SLC35F4: variants seen among roughly 807,000 people sequenced by gnomAD.
SLC35F4 encodes solute carrier family 35 member F4, also known as chromosome 14 open reading frame 36.
A neutral mutation model predicts 44.2 loss-of-function variants in SLC35F4; 24 were observed. The observed-to-expected ratio is 0.54, with a 90% CI of 0.39 to 0.76. SLC35F4 has a LOEUF of 0.76. Among genes scored for constraint, SLC35F4 ranks in the 30% least tolerant of loss-of-function variants. The probability of loss-of-function intolerance (pLI) is 0.00; values close to 1 mark genes in which losing one functional copy is unlikely to be tolerated. For synonymous variants in SLC35F4, 238 were observed against 223.6 expected (o/e 1.06, Z -0.57); for missense variants, 562 against 586.1 (o/e 0.96, Z 0.42).
At chr14:57,882,291 C>T (rs1888552332) in intron 1 of SLC35F4, among the ~76,000 whole-genome samples, 1 of 152,178 alleles carries the variant, frequency 6.6e-6, no homozygotes, top group African/African-American at 2.4e-5. Flanking sequence ...GGCAGCCACT[C>T]CAAGATCATT....
intron 1 of SLC35F4, among the ~76,000 whole-genome samples, chr14:57,852,369 A>G (rs928069071): frequency 2.0e-5 from 3 of 152,186 alleles, no homozygotes; most frequent in Admixed American, 1.3e-4. Flanking sequence ...TAAGGTCATG[A>G]AAGTGTGGTG....
chr14:57,928,019 T>C (rs1889616158), intron 1 of SLC35F4, among the ~76,000 whole-genome samples: 1 of 151,938 alleles, frequency 6.6e-6, no homozygotes, highest in Non-Finnish European at 1.5e-5. Flanking sequence ...AGGAAAGTTT[T>C]AGACAATAAC....
At chr14:57,885,316 T>C (rs1022721877) in intron 1 of SLC35F4, among the ~76,000 whole-genome samples, 3 of 152,174 alleles carry the variant, frequency 2.0e-5, no homozygotes, top group African/African-American at 7.2e-5. Flanking sequence ...GGCTCACTCA[T>C]GGAGCTGTTG....
chr14:57,572,523 C>T (rs78158506), intron 4 of SLC35F4, among the ~76,000 whole-genome samples: 8,799 of 152,032 alleles, frequency 0.058, 256 homozygotes, highest in African/African-American at 0.067. Flanking sequence ...AGGCAAACTT[C>T]AGGCCAATGG....
intron 1 of SLC35F4, among the ~76,000 whole-genome samples, chr14:57,709,613 A>C (rs1045949523): frequency 6.6e-6 from 1 of 152,080 alleles, no homozygotes; most frequent in Non-Finnish European, 1.5e-5. Flanking sequence ...GCCGCTCACA[A>C]AACTGGAATA....
chr14:57,638,815 C>A (rs930074684), intron 1 of SLC35F4, among the ~76,000 whole-genome samples: 1 of 152,030 alleles, frequency 6.6e-6, no homozygotes, highest in African/African-American at 2.4e-5. Context: ...AACCACCTCT[C>A]TTCCACTCTA....
Position 57,589,663 on chromosome 14 carries a change from T to C in SLC35F4, c.290-150A>G. On this transcript the variant is annotated intron_variant, in intron 2 of 7. Coordinates refer to ENST00000556826, the MANE Select transcript of SLC35F4 (RefSeq NM_001306087.2). Reference sequence around the variant, plus strand: ...CTTTTCTACCATCATTTGAAGAGACTGATAACTTCGGCTCACTTTTTCTCT... The same window carrying C: ...CTTTTCTACCATCATTTGAAGAGACCGATAACTTCGGCTCACTTTTTCTCT... 2.2e-6 allele frequency: 2 copies of C among 902,674 alleles called. 1 individual carries two copies. The highest frequency in any genetic ancestry group is 3.7e-5 in the South Asian group (2 of 53,922). 55.9% of individuals were successfully genotyped at this position (902,674 alleles called of 1,614,324 possible). A position where few individuals can be genotyped will look rare whatever the true frequency, so the allele number is the denominator to read the frequency against.
intron 1 of SLC35F4, among the ~76,000 whole-genome samples, chr14:57,748,775 G>A (rs1441944902): frequency 6.6e-6 from 1 of 152,088 alleles, no homozygotes; most frequent in Non-Finnish European, 1.5e-5. Flanking sequence ...AGGCTATTTT[G>A]GAATTAGAGG....
At chr14:57,725,498 C>T (rs543318564) in intron 1 of SLC35F4, among the ~76,000 whole-genome samples, 2 of 152,332 alleles carry the variant, frequency 1.3e-5, no homozygotes, top group East Asian at 3.9e-4. Context: ...AATGCTTCTG[C>T]CAAGACTACC....
chr14:57,566,454 C>T, intron 7 of SLC35F4, 21 bp downstream of exon 7: 4 of 1,572,630 alleles, frequency 2.5e-6, no homozygotes, highest in Non-Finnish European at 3.5e-6. Context: ...AGGATCTGCA[C>T]ATGTCACATG....
chr14:57,605,938 C>T (rs769491542), intron 1 of SLC35F4, among the ~76,000 whole-genome samples: 32 of 151,932 alleles, frequency 2.1e-4, no homozygotes, highest in Non-Finnish European at 4.0e-4. Context: ...AAAATGGGAA[C>T]GATAAACACT....
intron 1 of SLC35F4, among the ~76,000 whole-genome samples, chr14:57,753,535 C>G (rs574475034): frequency 6.6e-6 from 1 of 152,164 alleles, no homozygotes; most frequent in Non-Finnish European, 1.5e-5. Context: ...GCACAAGCTG[C>G]TTTCTCAGGC....
At chr14:57,767,008 T>C (rs932151076) in intron 1 of SLC35F4, among the ~76,000 whole-genome samples, 15 of 152,284 alleles carry the variant, frequency 9.9e-5, no homozygotes, top group African/African-American at 3.4e-4. Flanking sequence ...CATTACTTAA[T>C]AATAGAAGGA....
At chr14:57,938,055 T>C (rs921516698) in intron 1 of SLC35F4, among the ~76,000 whole-genome samples, 6 of 152,152 alleles carry the variant, frequency 3.9e-5, no homozygotes, top group Non-Finnish European at 5.9e-5. Flanking sequence ...ATCAATACTC[T>C]TTTTGTTATT....
At chr14:57,803,584 T>A (rs1880927376) in intron 1 of SLC35F4, among the ~76,000 whole-genome samples, 1 of 49,202 alleles carries the variant, frequency 2.0e-5, no homozygotes, top group Non-Finnish European at 3.3e-5. Flanking sequence ...AGCTTCTTCT[T>A]TTTTTTTTTT....
At chr14:57,838,293 A>G (rs1176614942) in intron 1 of SLC35F4, among the ~76,000 whole-genome samples, 1 of 152,214 alleles carries the variant, frequency 6.6e-6, no homozygotes, top group African/African-American at 2.4e-5. Context: ...ACAGGAAAGA[A>G]GGAGAATATA....
At chr14:57,912,971 A>C (rs558514577) in intron 1 of SLC35F4, among the ~76,000 whole-genome samples, 1 of 152,170 alleles carries the variant, frequency 6.6e-6, no homozygotes, top group African/African-American at 2.4e-5. Flanking sequence ...CACAATAAGG[A>C]TTGTTATGTC....
At position 57,645,638 on chromosome 14, in the gene SLC35F4, GA is replaced by G. The variant is rs1365092784; in HGVS notation, c.104-51515del. ...TTTCCTTCTCCTGCCTGATTGCCCT[GA>G]CCAGAACTTCCAACACTATGTTGAA... On this transcript the variant is annotated intron_variant, in intron 1 of 7. Transcript: ENST00000556826. 4.6e-5 allele frequency among the ~76,000 whole-genome samples: 7 copies of G among 151,208 alleles called. 2 individuals carry two copies. Among genetic ancestry groups the G allele is most frequent in the Non-Finnish European group, 7.4e-5 (5 of 67,670 alleles).
chr14:57,919,545 A>G (rs1052036988), intron 1 of SLC35F4, among the ~76,000 whole-genome samples: 1 of 152,196 alleles, frequency 6.6e-6, no homozygotes, highest in Non-Finnish European at 1.5e-5. Flanking sequence ...AAGAAAAAGC[A>G]GCTGTATTCT....
Sources: gnomAD v4.1 joint callset for allele counts (sites outside exome capture counted in the v4.1 genomes callset) on GRCh38, gnomAD v4.1.1 for gene constraint, MANE v1.5 for transcripts, NCBI Gene and HGNC (gene_info 2026-07-23, HGNC 2026-07-21) for gene names.